The following BTC variants were observed in gnomAD, a reference collection of about 807,000 sequenced individuals.
BTC encodes the protein betacellulin.
A neutral mutation model predicts 18.1 loss-of-function variants in BTC; 13 were observed. The observed-to-expected ratio is 0.72, with a 90% CI of 0.47 to 1.14. The LOEUF is 1.14. BTC is among the 50% of genes most tolerant of loss of function. The pLI is 0.00. For synonymous variants in BTC, 83 were observed against 79.4 expected, an observed-to-expected ratio of 1.05 and a Z score of -0.24; for missense variants, 247 against 224.2, an observed-to-expected ratio of 1.10 and a Z score of -0.65.
chr4:74,766,933 AG>A (rs1399622447), intron 2 of BTC, among the ~76,000 whole-genome samples: 3 of 152,066 alleles, frequency 2.0e-5, no homozygotes, highest in Non-Finnish European at 4.4e-5. Flanking sequence ...CCAAAATAAT[AG>A]GCCTTATATG....
At chr4:74,782,055 A>G (rs777483012) in intron 1 of BTC, among the ~76,000 whole-genome samples, 7 of 152,138 alleles carry the variant, frequency 4.6e-5, no homozygotes, top group Non-Finnish European at 1.0e-4. Context: ...ACTATGCTAG[A>G]CCCTGAAATT....
intron 1 of BTC, among the ~76,000 whole-genome samples, chr4:74,772,400 C>T (rs1263757791): frequency 6.6e-6 from 1 of 152,066 alleles, no homozygotes; most frequent in Non-Finnish European, 1.5e-5. Context: ...TTCTGAAGCA[C>T]AGGAATTTTA....
intron 3 of BTC, among the ~76,000 whole-genome samples, chr4:74,753,357 G>A (rs1163640342): frequency 6.6e-6 from 1 of 152,112 alleles, no homozygotes; most frequent in African/African-American, 2.4e-5. Context: ...TTTTATAGAT[G>A]AAGAAACTGA....
In BTC at chr4:74,755,712, G is replaced by A; in HGVS notation, c.281+147C>T. ...TTCTCCATAAGTAGTTGCTGAGTGG[G>A]CCCCTAAACAAGTGGCTGGGGGCAG... On this transcript the variant is annotated intron_variant, in intron 3 of 5. Coordinates refer to ENST00000395743, the MANE Select transcript of BTC (RefSeq NM_001729.4). The A allele has an allele frequency of 1.1e-5, 8 of 698,592 alleles. No individual in the cohort carries two copies. In the South Asian group the frequency reaches 1.4e-4, roughly 12 times the overall value. 43.3% of individuals were successfully genotyped at this position (698,592 alleles called of 1,614,324 possible). A position where few individuals can be genotyped will look rare whatever the true frequency, so the allele number is the denominator to read the frequency against.
intron 1 of BTC, among the ~76,000 whole-genome samples, chr4:74,784,321 A>C (rs535592782): frequency 6.6e-6 from 1 of 152,128 alleles, no homozygotes; most frequent in South Asian, 2.1e-4. Flanking sequence ...TTATCAGCTT[A>C]ATAAGCTTTT....
chr4:74,791,988 C>A (rs1725644044), intron 1 of BTC, among the ~76,000 whole-genome samples: 1 of 146,896 alleles, frequency 6.8e-6, no homozygotes, highest in South Asian at 2.1e-4. Context: ...CACACACACA[C>A]ACACACACAC....
intron 4 of BTC, among the ~76,000 whole-genome samples, chr4:74,749,811 C>T (rs959930437): frequency 6.7e-6 from 1 of 148,856 alleles, no homozygotes; most frequent in Non-Finnish European, 1.5e-5. Context: ...AGAATTGTCC[C>T]AGGACCAGGT....
chr4:74,765,583 C>T (rs1258020531), intron 2 of BTC, among the ~76,000 whole-genome samples: 1 of 151,918 alleles, frequency 6.6e-6, no homozygotes, highest in African/African-American at 2.4e-5. Flanking sequence ...AGAAATAATG[C>T]CCCAAACTTA....
intron 2 of BTC, 88 bp from the exon 3 acceptor site, chr4:74,756,064 C>A: frequency 1.7e-6 from 2 of 1,189,470 alleles, no homozygotes; most frequent in Non-Finnish European, 2.5e-6. Flanking sequence ...CTGCCAGTTT[C>A]TCTGTAGAAT....
intron 1 of BTC, 151 bp downstream of exon 1, chr4:74,794,111 G>T (rs1725705998): frequency 5.2e-6 from 5 of 965,050 alleles, no homozygotes; most frequent in East Asian, 2.7e-5. Flanking sequence ...TTAACCTCGC[G>T]CTCTCCCAGC....
chr4:74,758,145 C>A (rs1455697216), intron 2 of BTC, among the ~76,000 whole-genome samples: 1 of 152,110 alleles, frequency 6.6e-6, no homozygotes, highest in East Asian at 1.9e-4. Context: ...CAAGAATATG[C>A]AGGTCTAATG....
At chr4:74,792,069 T>C (rs1388737301) in intron 1 of BTC, among the ~76,000 whole-genome samples, 1 of 151,866 alleles carries the variant, frequency 6.6e-6, no homozygotes, top group Non-Finnish European at 1.5e-5. Flanking sequence ...TAGAACAACA[T>C]GTGACATAAT....
intron 1 of BTC, among the ~76,000 whole-genome samples, chr4:74,771,599 G>T (rs915366638): frequency 6.6e-6 from 1 of 152,134 alleles, no homozygotes; most frequent in African/African-American, 2.4e-5. Context: ...TTTCAAAAGG[G>T]TCTTTTGAAA....
intron 1 of BTC, among the ~76,000 whole-genome samples, chr4:74,788,907 T>C (rs1400639328): frequency 1.3e-5 from 2 of 152,192 alleles, no homozygotes; most frequent in African/African-American, 4.8e-5. Context: ...AAAGATAGGA[T>C]ACTGAGTTCT....
chr4:74,758,465 G>T (rs1461837008), intron 2 of BTC, among the ~76,000 whole-genome samples: 1 of 152,018 alleles, frequency 6.6e-6, no homozygotes, highest in African/African-American at 2.4e-5. Context: ...GGGAGGGAGG[G>T]CAAGGAGATT....
At chr4:74,768,099 G>A (rs1315702918) in intron 2 of BTC, among the ~76,000 whole-genome samples, 1 of 152,046 alleles carries the variant, frequency 6.6e-6, no homozygotes, top group Non-Finnish European at 1.5e-5. Context: ...GCAGAGATAG[G>A]GTTAGAAGTT....
At chr4:74,750,885 T>G (rs1324277116) in intron 3 of BTC, among the ~76,000 whole-genome samples, 166 bp from the exon 4 acceptor site, 1 of 152,238 alleles carries the variant, frequency 6.6e-6, no homozygotes, top group Admixed American at 6.5e-5. Context: ...TTTCAATTTT[T>G]TTTTGCTTTG....
chr4:74,765,957 T>C (rs1193539646), intron 2 of BTC, among the ~76,000 whole-genome samples: 1 of 152,194 alleles, frequency 6.6e-6, no homozygotes, highest in East Asian at 1.9e-4. Context: ...ACCTTAGTTA[T>C]ATGGTATAGC....
intron 1 of BTC, among the ~76,000 whole-genome samples, chr4:74,791,990 CACACACACACACACACAA>C (rs1192204982): frequency 6.8e-6 from 1 of 147,230 alleles, no homozygotes; most frequent in Non-Finnish European, 1.5e-5. Flanking sequence ...CACACACACA[CACACACACACACACACAA>C]ACACTAGTGT....
Sources: gnomAD v4.1 joint callset for allele counts (sites outside exome capture counted in the v4.1 genomes callset) on GRCh38, gnomAD v4.1.1 for gene constraint, MANE v1.5 for transcripts, NCBI Gene and HGNC (gene_info 2026-07-23, HGNC 2026-07-21) for gene names.